Variants in FAM83H observed in about 807,000 individuals in gnomAD.
FAM83H encodes the protein protein FAM83H.
A neutral mutation model predicts 30.2 loss-of-function variants in FAM83H; 24 were observed. The observed-to-expected ratio is 0.79, with a 90% confidence interval of 0.57 to 1.12. FAM83H has a LOEUF of 1.12. FAM83H is among the 50% of genes most tolerant of loss of function. The pLI is 0.00. For synonymous variants in FAM83H, 1,013 were observed against 821.7 expected (o/e 1.23, Z -3.98); for missense variants, 2,038 against 1,773.9 (o/e 1.15, Z -2.67).
chr8:143,725,844 C>G lies in FAM83H; in HGVS notation c.*77G>C. ...CCGCTGCTCAAGCAGATGAGCAGGG[C>G]TCTCTGTTCCGCGGGGCTTCTGGAT... On this transcript the variant is annotated 3_prime_UTR_variant, in exon 5 of 5. Coordinates refer to ENST00000388913, the MANE Select transcript of FAM83H (RefSeq NM_198488.5). The G allele has an allele frequency of 6.4e-7, 1 of 1,573,142 alleles. No individual in the cohort carries two copies. The highest frequency in any genetic ancestry group is 8.6e-7 in the Non-Finnish European group (1 of 1,158,334).
At position 143,725,589 on chromosome 8, in the gene FAM83H, A is replaced by T; in HGVS notation, c.*332T>A. 4.6e-6 allele frequency: 2 copies of T among 439,498 alleles called. No homozygotes were observed. Among genetic ancestry groups the T allele is most frequent in the Non-Finnish European group, 4.1e-6 (1 of 242,354 alleles). The allele number at this position is 439,498 out of a possible 1,614,324, so 27.2% of individuals were successfully genotyped here. A position where few individuals can be genotyped will look rare whatever the true frequency, so the allele number is the denominator to read the frequency against. On this transcript the variant is annotated 3_prime_UTR_variant, in exon 5 of 5. Coordinates refer to ENST00000388913, the MANE Select transcript of FAM83H (RefSeq NM_198488.5). ...CCAGCCCTAGGTCTCAAAAAAATAA[A>T]GGGGGCGGGGGGGACTGAGGCACAA...
At position 143,728,041 on chromosome 8, in the gene FAM83H, C is replaced by T. The variant is rs781972229; in HGVS notation, c.1420G>A (p.Glu474Lys). ...CCCGCGCGGCCCCCGCGAAGCTTCTCGAACAGGCCTTGCGGGCGCGCCGGC... is the reference window on the plus strand; with the variant it reads ...CCCGCGCGGCCCCCGCGAAGCTTCTTGAACAGGCCTTGCGGGCGCGCCGGC... ...LTPARPQGLF[E>K]KLRGGRAGFA... Residue 474 changes from glutamate to lysine, a missense_variant, in exon 5 of 5, where the codon GAG (glutamate) becomes AAG (lysine). Physicochemically the swap from Glu to Lys is moderately conservative, Grantham distance 56. Coordinates refer to ENST00000388913, the MANE Select transcript of FAM83H (RefSeq NM_198488.5). The T allele has an allele frequency of 1.5e-5, 24 of 1,608,452 alleles. No homozygotes were observed. The highest frequency in any genetic ancestry group is 8.3e-5 in the Admixed American group (5 of 59,940).
rs1554622992 is a variant in FAM83H at position 143,727,943 on chromosome 8, C to A, written c.1518G>T (p.Gln506His). 8.4e-6 allele frequency: 13 copies of A among 1,547,758 alleles called. No homozygotes were observed. Among genetic ancestry groups the A allele is most frequent in the African/African-American group, 1.4e-5 (1 of 73,850 alleles). The part of the protein sequence containing the change: ...RFPELGPDGH[Q>H]RLDYVPSSAS... ...CGCTGGACGGCACGTAGTCCAGCCGCTGGTGCCCGTCGGGTCCGAGCTCCG... is the reference window on the plus strand; with the variant it reads ...CGCTGGACGGCACGTAGTCCAGCCGATGGTGCCCGTCGGGTCCGAGCTCCG... Residue 506 changes from glutamine to histidine, a missense_variant, in exon 5 of 5, where the codon CAG becomes CAT. Coordinates refer to ENST00000388913, the MANE Select transcript of FAM83H (RefSeq NM_198488.5).
chr8:143,731,583 T>A, intron 1 of FAM83H: 1 of 985,456 alleles, frequency 1.0e-6, no homozygotes, highest in Non-Finnish European at 1.2e-6. Context: ...CTCCTTCCCT[T>A]GGCCTACCTT....
At position 143,725,967 on chromosome 8, in the gene FAM83H, C is replaced by T. The variant is rs1587449797; in HGVS notation, c.3494G>A (p.Gly1165Asp). 1 of 1,613,036 alleles carries T rather than the reference C, an allele frequency of 6.2e-7. No individual in the cohort carries two copies. The highest frequency in any genetic ancestry group is 1.3e-5 in the African/African-American group (1 of 75,068). ...GCCCAGGATCTTGGGCACGAACTTG[C>T]CCACCTTGCTGTCCCTGGTGCCCTC... ...AEEGTRDSKV[G>D]KFVPKILGTF... Residue 1165 changes from glycine (G) to aspartate (D), a missense_variant, in exon 5 of 5, where the codon GGC becomes GAC. Transcript: ENST00000388913.
Position 143,726,163 on chromosome 8 carries a change from C to T in FAM83H, c.3298G>A (p.Gly1100Arg). The T allele has an allele frequency of 1.2e-6, 2 of 1,612,048 alleles. No homozygotes were observed. The highest frequency in any genetic ancestry group is 1.7e-6 in the Non-Finnish European group (2 of 1,179,592). The change falls in exon 5 of 5, where the codon GGG becomes AGG. Residue 1100 changes from glycine (G) to arginine (R), a missense_variant. Coordinates refer to ENST00000388913, the MANE Select transcript of FAM83H (RefSeq NM_198488.5). ...GTGCGGCTCAGCCGGCCCTGGGTCCCCAAGCTGTCCGAGCGGAAGATGGCT... is the reference window on the plus strand; with the variant it reads ...GTGCGGCTCAGCCGGCCCTGGGTCCTCAAGCTGTCCGAGCGGAAGATGGCT... Reference protein sequence around the residue: ...CSAIFRSDSLGTQGRLSRTLP... With the variant: ...CSAIFRSDSLRTQGRLSRTLP...
At chr8:143,729,563 C>G (rs1403503128) in intron 2 of FAM83H, among the ~76,000 whole-genome samples, 2 of 152,184 alleles carry the variant, frequency 1.3e-5, no homozygotes, top group African/African-American at 4.8e-5. Context: ...GCAGAGAACC[C>G]TGGATGAGGG....
chr8:143,727,261 C>T lies in FAM83H; in HGVS notation c.2200G>A (p.Val734Met). 1 of 1,535,386 alleles carries T rather than the reference C, an allele frequency of 6.5e-7. No individual in the cohort carries two copies. The highest frequency in any genetic ancestry group is 8.7e-7 in the Non-Finnish European group (1 of 1,146,482). Reference sequence around the variant, plus strand: ...TTGTACTTCTCCAGCAGCTCCGCCACCTTGGTGGAAGCCGCGGAGCGCACG... The same window carrying T: ...TTGTACTTCTCCAGCAGCTCCGCCATCTTGGTGGAAGCCGCGGAGCGCACG... ...EAVRSAASTK[V>M]AELLEKYKGP... The change falls in exon 5 of 5, where the codon GTG becomes ATG. Residue 734 changes from valine to methionine, a missense_variant. Physicochemically the swap from Val to Met is conservative, Grantham distance 21. Transcript: ENST00000388913.
Position 143,726,065 on chromosome 8 carries a change from C to T in FAM83H, c.3396G>A (p.Val1132=). The T allele has an allele frequency of 1.2e-6, 2 of 1,612,284 alleles. No homozygotes were observed. The highest frequency in any genetic ancestry group is 1.1e-5 in the South Asian group (1 of 90,986). The change falls in exon 5 of 5, where the codon GTG becomes GTA. Residue 1132 remains valine, a synonymous_variant. Coordinates refer to ENST00000388913, the MANE Select transcript of FAM83H (RefSeq NM_198488.5). ...RMESMRKEKR[V]YSRFEVFCKK... ...TGCAGAAGACCTCGAAGCGGCTGTA[C>T]ACGCGCTTCTCCTTGCGCATGCTCT...
rs547001476 is a variant in FAM83H at position 143,729,350 on chromosome 8, G to A, written c.448-27C>T. The A allele has an allele frequency of 3.1e-6, 5 of 1,611,770 alleles. No homozygotes were observed. In the African/African-American group the frequency reaches 6.7e-5, roughly 21 times the overall value. On this transcript the variant is annotated intron_variant, in intron 2 of 4. Transcript: ENST00000388913. ...TGCAGGGGCGGGTCAGGACGGAGAG[G>A]AGAGGCCCCTGCTGTCCCCACACCA...
rs1818293057 is a variant in FAM83H, at chr8:143,726,382, T to G, written c.3079A>C (p.Thr1027Pro). ...RGPRARLSSA[T>P]ANALYSSNLR... ...TTGCTGCTGTACAAGGCGTTGGCCG[T>G]GGCTGAGGACAGGCGCGCCCGCGGA... Residue 1027 changes from threonine (T) to proline (P), a missense_variant, in exon 5 of 5, where the codon ACG becomes CCG. By Grantham distance (38) the Thr-to-Pro change is conservative. Transcript: ENST00000388913. 6.2e-7 allele frequency: 1 copy of G among 1,610,304 alleles called. No individual in the cohort carries two copies. The highest frequency in any genetic ancestry group is 1.1e-5 in the South Asian group (1 of 90,748).
Position 143,729,022 on chromosome 8 carries a change from C to A in FAM83H, c.682G>T (p.Val228Phe), listed in dbSNP as rs200211843. The A allele has an allele frequency of 1.2e-6, 2 of 1,613,662 alleles. No homozygotes were observed. The highest frequency in any genetic ancestry group is 8.5e-7 in the Non-Finnish European group (1 of 1,179,988). ...CRTGKSFKGH[V>F]KEKFLLVDCA... ...TCCACCAGCAGGAACTTCTCCTTGA[C>A]GTGGCCCTTGAAGGACTTCCCAGTG... The change falls in exon 4 of 5, where the codon GTC (valine) becomes TTC (phenylalanine). Residue 228 changes from valine to phenylalanine, a missense_variant. Val to Phe is a conservative substitution (Grantham distance 50). Transcript: ENST00000388913.
intron 1 of FAM83H, chr8:143,732,699 G>C (rs184515805): frequency 1.0e-6 from 1 of 985,382 alleles, no homozygotes; most frequent in East Asian, 1.1e-4. Context: ...TCCTTTCATG[G>C]GTACGTGTCT....
chr8:143,733,162 TGCACCCTACGAGCTCGCGGCTGCG>T lies in FAM83H; in HGVS notation c.-16+505_-16+528del, dbSNP rs1187494438. 1 of 153,798 alleles carries T rather than the reference TGCACCCTACGAGCTCGCGGCTGCG, an allele frequency of 6.5e-6. No homozygotes were observed. The highest frequency in any genetic ancestry group is 1.5e-5 in the Non-Finnish European group (1 of 68,208). The allele number at this position is 153,798 out of a possible 1,614,324, so 9.5% of individuals were successfully genotyped here. A position where few individuals can be genotyped will look rare whatever the true frequency, so the allele number is the denominator to read the frequency against. On this transcript the variant is annotated intron_variant, in intron 1 of 4. Transcript: ENST00000388913. The surrounding 1 kb of genome is among the most constrained non-coding windows in gnomAD (Gnocchi z 5.6). ...GCACCCCAGCCCCCAACGGGGTCAG[TGCACCCTACGAGCTCGCGGCTGCG>T]GCCGCTGGGTGCCCTATCCGCCCAC...
At position 143,728,531 on chromosome 8, in the gene FAM83H, G is replaced by A. The variant is rs782681245; in HGVS notation, c.930C>T (p.Gly310=). The change falls in exon 5 of 5, where the codon GGC becomes GGT. Residue 310 remains glycine, a synonymous_variant. Coordinates refer to ENST00000388913, the MANE Select transcript of FAM83H (RefSeq NM_198488.5). ...APYAGAGPLV[G]VPGVGAPTPF... ...GGGTTGGCGCCCCGACCCCAGGGAC[G>A]CCCACGAGAGGCCCGGCCCCGGCAT... 1.1e-5 allele frequency: 18 copies of A among 1,565,580 alleles called. No individual in the cohort carries two copies. The highest frequency in any genetic ancestry group is 1.5e-5 in the Non-Finnish European group (17 of 1,155,612).
At chr8:143,728,752 CCGAGCTGGAG>C in intron 4 of FAM83H, 29 bp from the exon 5 acceptor site, 1 of 1,598,488 alleles carries the variant, frequency 6.3e-7, no homozygotes, top group African/African-American at 1.3e-5. Context: ...CAGAGTCAAA[CCGAGCTGGAG>C]CGAGGGCACT....
At position 143,726,821 on chromosome 8, in the gene FAM83H, C is replaced by G; in HGVS notation, c.2640G>C (p.Gly880=). 6.2e-7 allele frequency: 1 copy of G among 1,612,926 alleles called. No homozygotes were observed. The highest frequency in any genetic ancestry group is 1.3e-5 in the African/African-American group (1 of 75,002). Reference sequence around the variant, plus strand: ...GAGTGGAAAACCCAGGCGTGGGGCTCCCCTTCCGCTCAGGGTAAGCCGAGG... The same window carrying G: ...GAGTGGAAAACCCAGGCGTGGGGCTGCCCTTCCGCTCAGGGTAAGCCGAGG... The part of the protein sequence containing the change: ...SPTSAYPERK[G]SPTPGFSTRR... Residue 880 remains glycine, a synonymous_variant, in exon 5 of 5, where the codon GGG becomes GGC. Coordinates refer to ENST00000388913, the MANE Select transcript of FAM83H (RefSeq NM_198488.5).
chr8:143,728,120 G>A lies in FAM83H; in HGVS notation c.1341C>T (p.His447=), dbSNP rs782428075. ...GCTGGTAGAGCTGGTCACGGTGGAAGTGGCTGGTCTGGAAGCGGAAGTCGT... is the reference window on the plus strand; with the variant it reads ...GCTGGTAGAGCTGGTCACGGTGGAAATGGCTGGTCTGGAAGCGGAAGTCGT... ...HGDDFRFQTS[H]FHRDQLYQQQ... is the part of the protein sequence containing the mutation. Residue 447 remains histidine (H), a synonymous_variant, in exon 5 of 5, where the codon CAC becomes CAT. Coordinates refer to ENST00000388913, the MANE Select transcript of FAM83H (RefSeq NM_198488.5). 12 of 1,610,710 alleles carry A rather than the reference G, an allele frequency of 7.5e-6. No homozygotes were observed. The highest frequency in any genetic ancestry group is 6.7e-5 in the East Asian group (3 of 44,806).
Position 143,726,974 on chromosome 8 carries a change from G to T in FAM83H, c.2487C>A (p.Asp829Glu). The change falls in exon 5 of 5, where the codon GAC becomes GAA. Residue 829 changes from aspartate (D) to glutamate (E), a missense_variant. By Grantham distance (45) the Asp-to-Glu change is conservative. Coordinates refer to ENST00000388913, the MANE Select transcript of FAM83H (RefSeq NM_198488.5). The stretch of plus-strand genomic sequence containing the variant: ...CAGAGAGGAAGCGGGAAGGCAGGCG[G>T]TCGGAGCCGCTCCGGCCCAGTGTGT... Reference protein sequence around the residue: ...LLDTLGRSGSDRLPSRFLSAQ... With the variant: ...LLDTLGRSGSERLPSRFLSAQ... 6.2e-7 allele frequency: 1 copy of T among 1,602,838 alleles called. No homozygotes were observed. Among genetic ancestry groups the T allele is most frequent in the South Asian group, 1.1e-5 (1 of 90,140 alleles).
Sources: gnomAD v4.1 joint callset for allele counts (sites outside exome capture counted in the v4.1 genomes callset) on GRCh38, gnomAD v4.1.1 for gene constraint, Gnocchi (gnomAD v3.1) non-coding constraint, MANE v1.5 for transcripts, NCBI Gene and HGNC (gene_info 2026-07-23, HGNC 2026-07-21) for gene names.